The following KATNIP variants were observed in gnomAD, a reference collection of about 807,000 sequenced individuals.
KATNIP encodes katanin interacting protein.
Under a neutral mutation model 174.0 loss-of-function variants are expected in KATNIP, and 126 were observed. That is an observed-to-expected ratio of 0.72 (90% CI 0.63 to 0.84). The LOEUF (loss-of-function observed/expected upper bound fraction) is 0.84, where lower values mean the gene tolerates loss of function less well. Ranked by LOEUF, KATNIP falls within the 40% of genes least tolerant of loss-of-function variation. KATNIP has a pLI of 0.00. For missense variants in KATNIP, 1,958 were observed against 2,109.7 expected (o/e 0.93, Z 1.41); for synonymous variants, 810 against 835.7 (o/e 0.97, Z 0.53).
rs377130972 is a variant in KATNIP, at chr16:27,699,388, C to G, written c.1114-146C>G. On this transcript the variant is annotated intron_variant, in intron 9 of 27. Transcript: ENST00000261588. ...TCGAGCAGCAACTATTGTCTGTGTT[C>G]CCAGACCTCTGACCTTGCCCCTGAA... The G allele has an allele frequency of 1.9e-5, 27 of 1,407,994 alleles. No homozygotes were observed. In the African/African-American group the frequency reaches 3.3e-4, roughly 17 times the overall value. 87.2% of individuals were successfully genotyped at this position (1,407,994 alleles called of 1,614,324 possible). A position where few individuals can be genotyped will look rare whatever the true frequency, so the allele number is the denominator to read the frequency against.
intron 4 of KATNIP, among the ~76,000 whole-genome samples, chr16:27,629,454 T>A (rs1393645562): frequency 6.6e-6 from 1 of 152,232 alleles, no homozygotes; most frequent in Non-Finnish European, 1.5e-5. Flanking sequence ...ATGTTTTAAC[T>A]TTAGTACCTA....
At chr16:27,767,089 T>C (rs1304591787) in intron 20 of KATNIP, among the ~76,000 whole-genome samples, 1 of 152,104 alleles carries the variant, frequency 6.6e-6, no homozygotes, top group Non-Finnish European at 1.5e-5. Context: ...CTCTGGCTTT[T>C]CTGGCCTCAG....
chr16:27,619,533 T>C (rs2076136565), intron 3 of KATNIP, among the ~76,000 whole-genome samples: 1 of 152,188 alleles, frequency 6.6e-6, no homozygotes, highest in Non-Finnish European at 1.5e-5. Context: ...ATCCTGCATG[T>C]GACTTCAGCT....
At chr16:27,560,289 A>C (rs1301491197) in intron 1 of KATNIP, among the ~76,000 whole-genome samples, 156 of 149,878 alleles carry the variant, frequency 1.0e-3, no homozygotes, top group African/African-American at 3.8e-3. Flanking sequence ...CTCAGAAAAA[A>C]AAAAAAAAAA....
intron 5 of KATNIP, 54 bp downstream of exon 5, chr16:27,631,216 G>C: frequency 1.5e-6 from 2 of 1,357,184 alleles, no homozygotes; most frequent in Non-Finnish European, 2.1e-6. Context: ...GTGGGTGGCT[G>C]TGGGAATAGA....
chr16:27,562,813 A>G (rs2089938884), intron 1 of KATNIP, among the ~76,000 whole-genome samples: 1 of 152,116 alleles, frequency 6.6e-6, no homozygotes, highest in Non-Finnish European at 1.5e-5. Context: ...TTTCAAATGG[A>G]AAAAAAATCA....
chr16:27,566,526 G>C (rs886765322), intron 1 of KATNIP, among the ~76,000 whole-genome samples: 15 of 150,978 alleles, frequency 9.9e-5, no homozygotes, highest in Admixed American at 2.0e-4. Flanking sequence ...GACAGAGTGA[G>C]ACTCTGTCTA....
rs147848344 is a variant in KATNIP at position 27,625,423 on chromosome 16, C to T, written c.141-3238C>T. On this transcript the variant is annotated intron_variant, in intron 3 of 27. Transcript: ENST00000261588. ...CCACTCTGCCCCGCCACAGGCCTCC[C>T]AGGACCTAGGCTCCTGCTCCCTCCC... Among the ~76,000 whole-genome samples, 20 of 152,336 alleles carry T rather than the reference C, an allele frequency of 1.3e-4. No homozygotes were observed. The South Asian group carries it at 1.4e-3, about 11-fold the overall frequency.
intron 23 of KATNIP, among the ~76,000 whole-genome samples, chr16:27,773,450 AT>A (rs768614746): frequency 3.9e-5 from 6 of 152,182 alleles, no homozygotes; most frequent in Non-Finnish European, 7.4e-5. Flanking sequence ...GGTCCAGTGA[AT>A]TGAGAGAGGC....
chr16:27,728,945 A>G (rs551127895), intron 14 of KATNIP, among the ~76,000 whole-genome samples: 3 of 152,360 alleles, frequency 2.0e-5, no homozygotes, highest in Admixed American at 2.0e-4. Context: ...TGACTGGTGC[A>G]GCAGGAGAAA....
At chr16:27,599,723 C>A (rs2075452589) in intron 2 of KATNIP, among the ~76,000 whole-genome samples, 1 of 152,216 alleles carries the variant, frequency 6.6e-6, no homozygotes, top group African/African-American at 2.4e-5. Flanking sequence ...CCCTTTCTTA[C>A]TCCAACTTCC....
In KATNIP at chr16:27,704,133, C is replaced by G. The variant is rs932250423; in HGVS notation, c.1389+135C>G. ...CCTGTGTTTCCACCGCCCCCCCCCT[C>G]CCTGGCACACAGAGGTATATATGAT... On this transcript the variant is annotated intron_variant, in intron 12 of 27. Coordinates refer to ENST00000261588, the MANE Select transcript of KATNIP (RefSeq NM_015202.5). The G allele has an allele frequency of 1.6e-5, 11 of 674,992 alleles. No individual in the cohort carries two copies. The African/African-American group carries it at 2.0e-4, about 12-fold the overall frequency. 41.8% of individuals were successfully genotyped at this position (674,992 alleles called of 1,614,324 possible).
chr16:27,667,847 CT>C (rs1019001715), intron 6 of KATNIP, among the ~76,000 whole-genome samples: 1 of 151,928 alleles, frequency 6.6e-6, no homozygotes, highest in Non-Finnish European at 1.5e-5. Context: ...CCTCAGCAGC[CT>C]TTTTTTTGTG....
At chr16:27,631,769 A>G (rs1279259301) in intron 5 of KATNIP, among the ~76,000 whole-genome samples, 1 of 152,136 alleles carries the variant, frequency 6.6e-6, no homozygotes, top group Non-Finnish European at 1.5e-5. Context: ...AGTACCCACT[A>G]TGTGCCAGGC....
rs776114613 is a variant in KATNIP at position 27,776,935 on chromosome 16, G to A, written c.4457G>A (p.Arg1486Gln). ...LAPILPGLVN[R>Q]VYVIFDLPTT... is the part of the protein sequence containing the mutation. ...AGTGCCGCTCTCTGACAGGTGAACC[G>A]GGTTTATGTGATTTTCGATCTGCCT... The change falls in exon 25 of 28, where the codon CGG (arginine) becomes CAG (glutamine). Residue 1486 changes from arginine (R) to glutamine (Q), a missense_variant. Physicochemically the swap from Arg to Gln is conservative, Grantham distance 43. Transcript: ENST00000261588. This position sits in a 1 kb window ranked among gnomAD's most constrained non-coding sequence, Gnocchi z 4.7. The A allele has an allele frequency of 5.0e-6, 8 of 1,610,574 alleles. No homozygotes were observed. Among genetic ancestry groups the A allele is most frequent in the African/African-American group, 2.7e-5 (2 of 74,816 alleles).
chr16:27,641,667 G>A (rs560217495), intron 5 of KATNIP, among the ~76,000 whole-genome samples: 1 of 152,330 alleles, frequency 6.6e-6, no homozygotes, highest in Admixed American at 6.5e-5. Context: ...CTGATCTTAT[G>A]CTATTGGAAA....
chr16:27,580,244 TGGA>T (rs1596787442), intron 2 of KATNIP, among the ~76,000 whole-genome samples: 1 of 152,286 alleles, frequency 6.6e-6, no homozygotes, highest in East Asian at 1.9e-4. Flanking sequence ...TCTTGAGTAG[TGGA>T]GACCACAGGT....
chr16:27,649,706 A>G (rs1401520783), intron 6 of KATNIP, among the ~76,000 whole-genome samples: 2 of 152,224 alleles, frequency 1.3e-5, no homozygotes, highest in Non-Finnish European at 2.9e-5. Context: ...ACAATGAAGA[A>G]AAAAGGAAGA....
chr16:27,624,332 T>C (rs2076273287), intron 3 of KATNIP, among the ~76,000 whole-genome samples: 1 of 152,134 alleles, frequency 6.6e-6, no homozygotes, highest in African/African-American at 2.4e-5. Flanking sequence ...CTAGACTGCC[T>C]CATCACACCC....
Sources: gnomAD v4.1 joint callset for allele counts (sites outside exome capture counted in the v4.1 genomes callset) on GRCh38, gnomAD v4.1.1 for gene constraint, Gnocchi (gnomAD v3.1) non-coding constraint, MANE v1.5 for transcripts, NCBI Gene and HGNC (gene_info 2026-07-23, HGNC 2026-07-21) for gene names.